The following CSMD1 variants were observed in gnomAD, a reference collection of about 807,000 sequenced individuals.
CSMD1 encodes the protein CUB and Sushi multiple domains 1.
In CSMD1, 213 loss-of-function variants were observed where a neutral mutation model predicts 417.5. The observed-to-expected ratio is 0.51, with a 90% CI of 0.46 to 0.57. The LOEUF (loss-of-function observed/expected upper bound fraction) is 0.57. Among genes scored for constraint, CSMD1 ranks in the 20% least tolerant of loss-of-function variants. The probability of loss-of-function intolerance (pLI) is 0.00; values close to 1 mark genes in which losing one functional copy is unlikely to be tolerated. For missense variants in CSMD1, 6,923 were observed against 4,529.7 expected, an observed-to-expected ratio of 1.53 and a Z score of -15.17; for synonymous variants, 2,862 against 1,736.8, an observed-to-expected ratio of 1.65 and a Z score of -16.11.
chr8:3,838,695 TAAATATTATATA>T (rs1802875595), intron 5 of CSMD1, among the ~76,000 whole-genome samples: 3 of 74,260 alleles, frequency 4.0e-5, no homozygotes, highest in Admixed American at 1.8e-4. Context: ...TAATATATAA[TAAATATTATATA>T]GTATAATATA....
At chr8:4,159,688 A>G (rs548683780) in intron 3 of CSMD1, among the ~76,000 whole-genome samples, 9 of 152,260 alleles carry the variant, frequency 5.9e-5, no homozygotes, top group African/African-American at 1.4e-4. Context: ...TCCCGGGTTC[A>G]CGCCATTCTC....
At chr8:3,877,530 G>A (rs1805905934) in intron 5 of CSMD1, among the ~76,000 whole-genome samples, 3 of 152,120 alleles carry the variant, frequency 2.0e-5, no homozygotes, top group Admixed American at 6.5e-5. Context: ...AAGCTTCGAT[G>A]TTCCCCATAT....
At chr8:4,583,783 A>G (rs1014263093) in intron 2 of CSMD1, among the ~76,000 whole-genome samples, 7 of 152,164 alleles carry the variant, frequency 4.6e-5, no homozygotes, top group African/African-American at 1.7e-4. Flanking sequence ...GGGTGGGGCC[A>G]GATAAGAGAA....
At chr8:4,101,915 AT>A (rs1801324349) in intron 3 of CSMD1, among the ~76,000 whole-genome samples, 1 of 152,128 alleles carries the variant, frequency 6.6e-6, no homozygotes, top group East Asian at 1.9e-4. Flanking sequence ...AATGTACAGC[AT>A]TTTCCCAGTG....
chr8:2,972,445 T>C (rs1180804728), intron 57 of CSMD1, among the ~76,000 whole-genome samples: 2 of 152,206 alleles, frequency 1.3e-5, no homozygotes, highest in Non-Finnish European at 2.9e-5. Context: ...CCTATCTGTC[T>C]GAATTCTAAA....
chr8:4,264,815 C>T (rs77639337), intron 3 of CSMD1, among the ~76,000 whole-genome samples: 2,180 of 152,168 alleles, frequency 0.014, 32 homozygotes, highest in African/African-American at 0.032. Context: ...TCTTGTTGTG[C>T]CTCATCAATA....
intron 47 of CSMD1, among the ~76,000 whole-genome samples, chr8:3,092,548 T>C (rs901147329): frequency 4.6e-5 from 7 of 152,200 alleles, no homozygotes; most frequent in Non-Finnish European, 8.8e-5. Flanking sequence ...TGCTTCTTTA[T>C]AAGATGAGGG....
At chr8:3,565,959 G>A (rs577001501) in intron 10 of CSMD1, among the ~76,000 whole-genome samples, 4 of 152,150 alleles carry the variant, frequency 2.6e-5, no homozygotes, top group Admixed American at 6.6e-5. Context: ...CAACGTATAC[G>A]CATTCTCATG....
At chr8:3,458,807 G>A (rs1816314183) in intron 12 of CSMD1, among the ~76,000 whole-genome samples, 1 of 152,176 alleles carries the variant, frequency 6.6e-6, no homozygotes, top group African/African-American at 2.4e-5. Context: ...GCAATGGTCT[G>A]GAGAAACAGG....
At chr8:4,843,282 C>T (rs1473335003) in intron 1 of CSMD1, among the ~76,000 whole-genome samples, 1 of 152,098 alleles carries the variant, frequency 6.6e-6, no homozygotes, top group Admixed American at 6.5e-5. Context: ...CCATCTATGG[C>T]CCAGTACTTG....
chr8:4,137,098 G>A (rs887660217), intron 3 of CSMD1, among the ~76,000 whole-genome samples: 16 of 152,044 alleles, frequency 1.1e-4, no homozygotes, highest in African/African-American at 3.6e-4. Context: ...TGCTTATTTT[G>A]GGAGAATTTT....
At chr8:3,352,749 A>G (rs1297141401) in intron 21 of CSMD1, among the ~76,000 whole-genome samples, 1 of 152,198 alleles carries the variant, frequency 6.6e-6, no homozygotes, top group African/African-American at 2.4e-5. Flanking sequence ...CTGAGGCCGG[A>G]GACTTGCTTG....
At chr8:3,729,529 G>C (rs1585145024) in intron 6 of CSMD1, among the ~76,000 whole-genome samples, 1 of 152,184 alleles carries the variant, frequency 6.6e-6, no homozygotes, top group Non-Finnish European at 1.5e-5. Flanking sequence ...TGCCCAAGAG[G>C]AATCGAAGTG....
At chr8:4,025,928 A>G (rs557472335) in intron 4 of CSMD1, among the ~76,000 whole-genome samples, 1 of 151,858 alleles carries the variant, frequency 6.6e-6, no homozygotes, top group African/African-American at 2.4e-5. Context: ...AAATATTGCT[A>G]GTTTGAATAA....
chr8:3,571,761 G>C (rs113702246), intron 10 of CSMD1, among the ~76,000 whole-genome samples: 6 of 63,670 alleles, frequency 9.4e-5, no homozygotes, highest in African/African-American at 3.7e-4. Context: ...TCTCCGTCTG[G>C]GGCAATTTCC....
chr8:4,422,225 A>C (rs895425959), intron 2 of CSMD1, among the ~76,000 whole-genome samples: 3 of 152,074 alleles, frequency 2.0e-5, no homozygotes, highest in African/African-American at 7.2e-5. Context: ...AAGAATTAAC[A>C]CTAATTCTAC....
chr8:3,949,675 A>T (rs1811478653), intron 5 of CSMD1, among the ~76,000 whole-genome samples: 1 of 152,052 alleles, frequency 6.6e-6, no homozygotes, highest in African/African-American at 2.4e-5. Context: ...AGAAAGGAGG[A>T]GGAGAAGGAG....
intron 3 of CSMD1, among the ~76,000 whole-genome samples, chr8:4,348,202 A>C (rs34495642): frequency 0.12 from 17,955 of 152,104 alleles, 1,450 homozygotes; most frequent in African/African-American, 0.22. Context: ...TTGTGCTGGG[A>C]AAATGTATAT....
chr8:3,893,420 G>A (rs541332351), intron 5 of CSMD1, among the ~76,000 whole-genome samples: 1 of 141,026 alleles, frequency 7.1e-6, no homozygotes, highest in African/African-American at 2.5e-5. Context: ...AACAAAATCT[G>A]GATCAACTCC....
Sources: allele counts gnomAD v4.1 joint callset (sites outside exome capture counted in the v4.1 genomes callset), GRCh38; gene constraint gnomAD v4.1.1; transcripts MANE v1.5; gene names NCBI Gene and HGNC (gene_info 2026-07-23, HGNC 2026-07-21).